The following SLC12A3 variants were observed in gnomAD, a reference collection of about 807,000 sequenced individuals.
The protein encoded by SLC12A3 is solute carrier family 12 member 3, also known as Na-Cl cotransporter.
SLC12A3 carries 104 observed loss-of-function variants against 121.0 expected under a neutral mutation model. That is an observed-to-expected ratio of 0.86 (90% CI 0.73 to 1.01). The LOEUF is 1.01. Among genes scored for constraint, SLC12A3 ranks in the 50% least tolerant of loss-of-function variants. SLC12A3 has a pLI of 0.00. For missense variants in SLC12A3, 1,328 were observed against 1,356.3 expected, an observed-to-expected ratio of 0.98 and a Z score of 0.33; for synonymous variants, 536 against 533.4, an observed-to-expected ratio of 1.00 and a Z score of -0.07.
At chr16:56,912,657 G>T (rs192980819) in intron 25 of SLC12A3, among the ~76,000 whole-genome samples, 2 of 152,220 alleles carry the variant, frequency 1.3e-5, no homozygotes, top group Non-Finnish European at 1.5e-5. Context: ...TGGGAAAAGG[G>T]GGGTGAATAA....
chr16:56,908,099 C>A, intron 25 of SLC12A3, among the ~76,000 whole-genome samples: 1 of 143,528 alleles, frequency 7.0e-6, no homozygotes, highest in Admixed American at 6.9e-5. Flanking sequence ...GTCCCCAGTG[C>A]CAGTGTGTGC....
At chr16:56,876,228 T>A (rs577306578) in intron 8 of SLC12A3, among the ~76,000 whole-genome samples, 13 of 152,286 alleles carry the variant, frequency 8.5e-5, no homozygotes, top group Admixed American at 7.8e-4. Flanking sequence ...AGTCATTGCA[T>A]TTGGGGCCCA....
Position 56,870,755 on chromosome 16 carries a change from A to T in SLC12A3, c.852+19A>T, listed in dbSNP as rs1169967567. On this transcript the variant is annotated intron_variant, in intron 6 of 25. Coordinates refer to ENST00000563236, the MANE Select transcript of SLC12A3 (RefSeq NM_001126108.2). The stretch of plus-strand genomic sequence containing the variant: ...GTCCAAGGTGAGGAGGCCATGGAGG[A>T]GGGGGACATGGAGGTGGTCACGTGG... 6 of 1,504,628 alleles carry T rather than the reference A, an allele frequency of 4.0e-6. No homozygotes were observed. Among genetic ancestry groups the T allele is most frequent in the Non-Finnish European group, 5.5e-6 (6 of 1,081,086 alleles). 93.2% of individuals were successfully genotyped at this position (1,504,628 alleles called of 1,614,324 possible). A position where few individuals can be genotyped will look rare whatever the true frequency, so the allele number is the denominator to read the frequency against.
intron 22 of SLC12A3, among the ~76,000 whole-genome samples, chr16:56,897,520 A>C (rs986806335): frequency 1.3e-5 from 2 of 152,116 alleles, no homozygotes; most frequent in East Asian, 3.9e-4. Context: ...CCTCACCCCC[A>C]CTAAGAACTT....
chr16:56,887,005 C>T lies in SLC12A3; in HGVS notation c.2090C>T (p.Thr697Ile). ...PELQLIANGH[T>I]KWLNKRKIKA... ...CTCCAGCTCATCGCCAACGGGCACACCAAGTGGCTGAACAAGAGGAAGATC... is the reference window on the plus strand; with the variant it reads ...CTCCAGCTCATCGCCAACGGGCACATCAAGTGGCTGAACAAGAGGAAGATC... Residue 697 changes from threonine (T) to isoleucine (I), a missense_variant, in exon 17 of 26, where the codon ACC becomes ATC. Coordinates refer to ENST00000563236, the MANE Select transcript of SLC12A3 (RefSeq NM_001126108.2). The T allele has an allele frequency of 6.2e-7, 1 of 1,613,858 alleles. No homozygotes were observed.
Position 56,884,167 on chromosome 16 carries a change from G to A in SLC12A3, c.1788G>A (p.Val596=), listed in dbSNP as rs2144723517. ...CGGCCCTCATCGCCATTGGCGTGGT[G>A]CTCTTCCTCCTGCTCTATGTCATCT... ...WWAALIAIGV[V]LFLLLYVIYK... Residue 596 remains valine (V), a synonymous_variant, in exon 14 of 26, where the codon GTG becomes GTA. Coordinates refer to ENST00000563236, the MANE Select transcript of SLC12A3 (RefSeq NM_001126108.2). 6.2e-7 allele frequency: 1 copy of A among 1,614,182 alleles called. No homozygotes were observed. Among genetic ancestry groups the A allele is most frequent in the South Asian group, 1.1e-5 (1 of 91,088 alleles).
intron 8 of SLC12A3, among the ~76,000 whole-genome samples, chr16:56,876,830 G>A (rs1244564256): frequency 1.3e-5 from 2 of 152,190 alleles, no homozygotes; most frequent in East Asian, 3.8e-4. Flanking sequence ...TCAGGTTGGG[G>A]TCTGTGTCTG....
chr16:56,884,137 G>C lies in SLC12A3; in HGVS notation c.1758G>C (p.Trp586Cys). ...TGGTCATCATGTTCCTCCTCACCTG[G>C]TGGGCGGCCCTCATCGCCATTGGCG... ...ISVVIMFLLT[W>C]WAALIAIGVV... The change falls in exon 14 of 26, where the codon TGG (tryptophan) becomes TGC (cysteine). Residue 586 changes from tryptophan (W) to cysteine (C), a missense_variant. Coordinates refer to ENST00000563236, the MANE Select transcript of SLC12A3 (RefSeq NM_001126108.2). The C allele has an allele frequency of 1.2e-6, 2 of 1,614,196 alleles. No homozygotes were observed. Among genetic ancestry groups the C allele is most frequent in the Non-Finnish European group, 1.7e-6 (2 of 1,180,024 alleles).
intron 1 of SLC12A3, 45 bp downstream of exon 1, chr16:56,865,562 C>G: frequency 6.3e-7 from 1 of 1,590,150 alleles, no homozygotes; most frequent in Non-Finnish European, 8.6e-7. Context: ...GCTGTGTGAC[C>G]TCGACCCAGC....
At chr16:56,900,846 A>C (rs532755536) in intron 23 of SLC12A3, among the ~76,000 whole-genome samples, 89 of 152,106 alleles carry the variant, frequency 5.9e-4, no homozygotes, top group African/African-American at 2.0e-3. Flanking sequence ...TCTTATTTTA[A>C]AAATCCCCTC....
intron 22 of SLC12A3, among the ~76,000 whole-genome samples, chr16:56,895,844 C>A (rs1289566839): frequency 6.6e-6 from 1 of 152,042 alleles, no homozygotes; most frequent in Non-Finnish European, 1.5e-5. Context: ...TTTCCTGCAA[C>A]TAGATGGTTC....
intron 8 of SLC12A3, among the ~76,000 whole-genome samples, chr16:56,875,138 C>T (rs1196203171): frequency 9.6e-5 from 11 of 115,114 alleles, no homozygotes; most frequent in Admixed American, 9.4e-4. Flanking sequence ...ATGAGGCCCG[C>T]GCGCCTGCAC....
At chr16:56,894,825 C>T (rs1439666991) in intron 22 of SLC12A3, among the ~76,000 whole-genome samples, 183 bp downstream of exon 22, 2 of 152,148 alleles carry the variant, frequency 1.3e-5, no homozygotes, top group African/African-American at 4.8e-5. Context: ...GCAGGTTTCT[C>T]TCCATTCCAG....
At chr16:56,866,664 G>A (rs1220683243) in intron 1 of SLC12A3, among the ~76,000 whole-genome samples, 1 of 152,070 alleles carries the variant, frequency 6.6e-6, no homozygotes, top group Non-Finnish European at 1.5e-5. Flanking sequence ...GTCTCCCATG[G>A]CATCTGATCT....
At position 56,904,567 on chromosome 16, in the gene SLC12A3, C is replaced by G. The variant is rs2055582536; in HGVS notation, c.2924+105C>G. On this transcript the variant is annotated intron_variant, in intron 25 of 25. Coordinates refer to ENST00000563236, the MANE Select transcript of SLC12A3 (RefSeq NM_001126108.2). Reference sequence around the variant, plus strand: ...CACCACGGAGGGCCCAAGCCTTCCCCTAGGAAGCAGAAGGGCCAAAGTTCC... The same window carrying G: ...CACCACGGAGGGCCCAAGCCTTCCCGTAGGAAGCAGAAGGGCCAAAGTTCC... The G allele has an allele frequency of 3.6e-6, 4 of 1,117,364 alleles. No individual in the cohort carries two copies. In the East Asian group the frequency reaches 7.2e-5, roughly 20 times the overall value. 69.2% of individuals were successfully genotyped at this position (1,117,364 alleles called of 1,614,324 possible).
rs36118058 is a variant in SLC12A3 at position 56,892,581 on chromosome 16, G to A, written c.2420-372G>A. Among the ~76,000 whole-genome samples, 421 of 152,276 alleles carry A rather than the reference G, an allele frequency of 2.8e-3. 2 individuals are homozygous for A. The highest frequency in any genetic ancestry group is 9.2e-3 in the African/African-American group (384 of 41,566). ...GGCCCCTCTAGCCATGCAGGGTGGG[G>A]TGGGATTTTCCTTCGTCCTCTCCCA... On this transcript the variant is annotated intron_variant, in intron 20 of 25. Transcript: ENST00000563236.
intron 21 of SLC12A3, among the ~76,000 whole-genome samples, chr16:56,893,387 T>A (rs1272406027): frequency 6.6e-6 from 1 of 151,950 alleles, no homozygotes; most frequent in East Asian, 1.9e-4. Flanking sequence ...ATATAACCTC[T>A]CCCATTAAAA....
chr16:56,868,310 T>C lies in SLC12A3; in HGVS notation c.443T>C (p.Leu148Pro). The C allele has an allele frequency of 3.1e-6, 5 of 1,614,072 alleles. No homozygotes were observed. The highest frequency in any genetic ancestry group is 3.4e-6 in the Non-Finnish European group (4 of 1,179,996). Residue 148 changes from leucine to proline, a missense_variant, in exon 3 of 26, where the codon CTC becomes CCC. Leu to Pro is a moderately conservative substitution (Grantham distance 98, BLOSUM62 -3). Coordinates refer to ENST00000563236, the MANE Select transcript of SLC12A3 (RefSeq NM_001126108.2). ...CTGTCCTCCCAGATTCGTTGCATGC[T>C]CAACATTTGGGGCGTGATCCTCTAC... is the stretch of plus-strand genomic sequence containing the variant. The part of the protein sequence containing the change: ...WVKGVMIRCM[L>P]NIWGVILYLR...
rs547487216 is a variant in SLC12A3 at position 56,870,739 on chromosome 16, G to A, written c.852+3G>A. 1.3e-6 allele frequency: 2 copies of A among 1,597,324 alleles called. No homozygotes were observed. The highest frequency in any genetic ancestry group is 2.2e-5 in the South Asian group (2 of 90,742). Reference sequence around the variant, plus strand: ...CTGGCATGGAGTGGGAGTCCAAGGTGAGGAGGCCATGGAGGAGGGGGACAT... The same window carrying A: ...CTGGCATGGAGTGGGAGTCCAAGGTAAGGAGGCCATGGAGGAGGGGGACAT... On this transcript the variant is annotated splice_donor_region_variant and intron_variant, in intron 6 of 25. Coordinates refer to ENST00000563236, the MANE Select transcript of SLC12A3 (RefSeq NM_001126108.2).
Sources: gnomAD v4.1 joint callset for allele counts (sites outside exome capture counted in the v4.1 genomes callset) on GRCh38, gnomAD v4.1.1 for gene constraint, MANE v1.5 for transcripts, NCBI Gene and HGNC (gene_info 2026-07-23, HGNC 2026-07-21) for gene names.